Variants in SERHL2 observed in about 807,000 individuals in gnomAD.
The protein encoded by SERHL2 is serine hydrolase-like protein 2.
In SERHL2, 29 loss-of-function variants were observed where a neutral mutation model predicts 25.5. The observed-to-expected ratio is 1.14, with a 90% CI of 0.85 to 1.55. SERHL2 has a LOEUF of 1.55. Ranked by LOEUF, SERHL2 falls within the 40% of genes most tolerant of loss-of-function variation. SERHL2 has a pLI of 0.00. For missense variants in SERHL2, 240 were observed against 252.3 expected (o/e 0.95, Z 0.33); for synonymous variants, 95 against 103.5 (o/e 0.92, Z 0.50).
At chr22:42,564,478 C>A (rs1026455958) in intron 8 of SERHL2, among the ~76,000 whole-genome samples, 1 of 150,816 alleles carries the variant, frequency 6.6e-6, no homozygotes, top group Non-Finnish European at 1.5e-5. Flanking sequence ...GTCGTCCAAG[C>A]TGGAGTATAA....
Position 42,560,739 on chromosome 22 carries a change from G to A in SERHL2, c.613+474G>A, listed in dbSNP as rs544890415. Among the ~76,000 whole-genome samples, 37 of 151,872 alleles carry A rather than the reference G, an allele frequency of 2.4e-4. 1 individual carries two copies. In the South Asian group the frequency reaches 2.7e-3, roughly 11 times the overall value. On this transcript the variant is annotated intron_variant, in intron 8 of 11. Transcript: ENST00000327678. ...TTTACCCAGGAATTTTTTTTCTTTC[G>A]TTCTTTTTTCTTATGAGACAAGGTC... is the stretch of plus-strand genomic sequence containing the variant.
At chr22:42,560,937 C>A (rs1922607513) in intron 8 of SERHL2, among the ~76,000 whole-genome samples, 1 of 151,710 alleles carries the variant, frequency 6.6e-6, no homozygotes, top group Non-Finnish European at 1.5e-5. Context: ...ACAGGCCCGG[C>A]TCAGTGAGGC....
chr22:42,571,093 A>G, intron 9 of SERHL2, 28 bp from the exon 10 acceptor site: 8 of 1,613,162 alleles, frequency 5.0e-6, no homozygotes, highest in Non-Finnish European at 5.9e-6. Context: ...CCTTGTGACG[A>G]GAATTCACCA....
At chr22:42,563,792 G>C (rs1009651515) in intron 8 of SERHL2, among the ~76,000 whole-genome samples, 3 of 151,970 alleles carry the variant, frequency 2.0e-5, no homozygotes, top group African/African-American at 7.2e-5. Context: ...CAGATTTCTA[G>C]ACCAGGCACA....
Position 42,561,789 on chromosome 22 carries a change from G to A in SERHL2, c.613+1524G>A, listed in dbSNP as rs150430496. On this transcript the variant is annotated intron_variant, in intron 8 of 11. Transcript: ENST00000327678. ...CCAGTTTGGGACCAGTTGGGTCTTCGTGATCATCTTGGCTGAACCTTTATC... is the reference window on the plus strand; with the variant it reads ...CCAGTTTGGGACCAGTTGGGTCTTCATGATCATCTTGGCTGAACCTTTATC... 3.4e-4 allele frequency among the ~76,000 whole-genome samples: 51 copies of A among 151,926 alleles called. 2 individuals carry two copies. In the East Asian group the frequency reaches 8.1e-3, roughly 24 times the overall value.
intron 11 of SERHL2, among the ~76,000 whole-genome samples, chr22:42,573,079 C>T (rs747562674): frequency 1.3e-5 from 2 of 151,804 alleles, no homozygotes; most frequent in African/African-American, 2.4e-5. Context: ...GGTGGCTTTT[C>T]CCCCAGGTTC....
At position 42,572,440 on chromosome 22, in the gene SERHL2, G is replaced by C. The variant is rs1569285553; in HGVS notation, c.736G>C (p.Val246Leu). ...LQAHVLLIKA[V>L]HGYFDSRQNY... is the part of the protein sequence containing the mutation. ...CCCCAACTCCTCACTTTCCAGAGCA[G>C]TCCACGGATATTTTGATTCAAGACA... Residue 246 changes from valine to leucine, a missense_variant, in exon 11 of 12, where the codon GTC becomes CTC. By Grantham distance (32) the Val-to-Leu change is conservative. This residue lies in a region of SERHL2 where 212 missense variants were observed against 168.9 expected (regional missense o/e 1.25). Coordinates refer to ENST00000327678, the MANE Select transcript of SERHL2 (RefSeq NM_014509.5). The C allele has an allele frequency of 6.2e-7, 1 of 1,609,518 alleles. No individual in the cohort carries two copies. Among genetic ancestry groups the C allele is most frequent in the Non-Finnish European group, 8.5e-7 (1 of 1,176,232 alleles).
chr22:42,568,410 T>A (rs1157009537), intron 9 of SERHL2, among the ~76,000 whole-genome samples: 1 of 151,468 alleles, frequency 6.6e-6, no homozygotes. Context: ...GTTTGTCCCT[T>A]GTGTGTGCTG....
chr22:42,560,725 A>AT (rs1199683127), intron 8 of SERHL2, among the ~76,000 whole-genome samples: 2 of 151,546 alleles, frequency 1.3e-5, no homozygotes, highest in Non-Finnish European at 2.9e-5. Flanking sequence ...TTACCCAGGA[A>AT]TTTTTTTTCT....
chr22:42,568,871 C>A (rs1304658766), intron 9 of SERHL2, among the ~76,000 whole-genome samples: 1 of 151,648 alleles, frequency 6.6e-6, no homozygotes, highest in Non-Finnish European at 1.5e-5. Context: ...GAGGCTGAGG[C>A]AGGAGAATCG....
chr22:42,554,511 C>T (rs1042734204), intron 1 of SERHL2, among the ~76,000 whole-genome samples: 33 of 152,176 alleles, frequency 2.2e-4, no homozygotes, highest in Non-Finnish European at 3.7e-4. Flanking sequence ...GGTTTGGCAC[C>T]CCTCTGGCCT....
chr22:42,559,229 T>TAAAAAAAAAAAAAAAAAAAAAAAAA (rs1194822216), intron 7 of SERHL2, among the ~76,000 whole-genome samples: 4 of 69,316 alleles, frequency 5.8e-5, no homozygotes, highest in East Asian at 1.2e-3. Flanking sequence ...ACCCTGTATT[T>TAAAAAAAAAAAAAAAAAAAAAAAAA]AAAAAAAAAA....
chr22:42,574,371 C>A lies in SERHL2; in HGVS notation c.*316C>A, dbSNP rs541893558. On this transcript the variant is annotated 3_prime_UTR_variant, in exon 12 of 12. Transcript: ENST00000327678. ...CCAACTGGATGGAAAATAAAAGGTTCTTGTATTCTCACTGCTTTTGAGGCT... is the reference window on the plus strand; with the variant it reads ...CCAACTGGATGGAAAATAAAAGGTTATTGTATTCTCACTGCTTTTGAGGCT... 9 of 504,762 alleles carry A rather than the reference C, an allele frequency of 1.8e-5. No individual in the cohort carries two copies. Among genetic ancestry groups the A allele is most frequent in the African/African-American group, 1.5e-4 (8 of 51,936 alleles). The allele number at this position is 504,762 out of a possible 1,614,324, so 31.3% of individuals were successfully genotyped here.
At chr22:42,561,845 G>C (rs1355925099) in intron 8 of SERHL2, among the ~76,000 whole-genome samples, 1 of 151,780 alleles carries the variant, frequency 6.6e-6, no homozygotes, top group Non-Finnish European at 1.5e-5. Flanking sequence ...CATGGGGAGG[G>C]GAGGTCAAGG....
intron 8 of SERHL2, among the ~76,000 whole-genome samples, chr22:42,564,797 C>T (rs1432368181): frequency 6.6e-6 from 1 of 151,634 alleles, no homozygotes; most frequent in Non-Finnish European, 1.5e-5. Flanking sequence ...TTCTACTAGT[C>T]TTTTTTCTTT....
At chr22:42,563,826 C>T (rs1301915080) in intron 8 of SERHL2, among the ~76,000 whole-genome samples, 3 of 151,912 alleles carry the variant, frequency 2.0e-5, no homozygotes, top group South Asian at 2.1e-4. Context: ...GTAATCCCAG[C>T]GCTTTGGGAG....
In SERHL2 at chr22:42,562,753, G is replaced by GAGC. The variant is rs1424533933; in HGVS notation, c.613+2494_613+2496dup. ...GAGCTGGTGGTGCAGGATGGGGAGA[G>GAGC]AGCAGCAGAGATGAGCTCTTTATCT... On this transcript the variant is annotated intron_variant, in intron 8 of 11. Transcript: ENST00000327678. 5.3e-5 allele frequency among the ~76,000 whole-genome samples: 8 copies of GAGC among 152,042 alleles called. No homozygotes were observed. In the East Asian group the frequency reaches 1.5e-3, roughly 29 times the overall value.
At chr22:42,556,361 C>A (rs1472457727) in intron 5 of SERHL2, 153 bp from the exon 6 acceptor site, 25 of 615,362 alleles carry the variant, frequency 4.1e-5, no homozygotes, top group Non-Finnish European at 6.4e-5. Flanking sequence ...GGGGAAGGCA[C>A]ACCATAGATA....
At chr22:42,568,029 C>T (rs1255278973) in intron 9 of SERHL2, among the ~76,000 whole-genome samples, 1 of 151,784 alleles carries the variant, frequency 6.6e-6, no homozygotes, top group Non-Finnish European at 1.5e-5. Context: ...AGTGTTCGGT[C>T]TATTTGAATT....
Sources: gnomAD v4.1 joint callset for allele counts (sites outside exome capture counted in the v4.1 genomes callset) on GRCh38, gnomAD v4.1.1 for gene constraint, gnomAD v4.1.1 regional missense constraint, MANE v1.5 for transcripts, NCBI Gene and HGNC (gene_info 2026-07-23, HGNC 2026-07-21) for gene names.